The following KCNMA1 variants were observed in gnomAD, a reference collection of about 807,000 sequenced individuals.
The protein encoded by KCNMA1 is potassium calcium-activated channel subfamily M alpha 1.
In KCNMA1, 29 loss-of-function variants were observed where a neutral mutation model predicts 140.0. The ratio of observed to expected loss-of-function variants is 0.21; its 90% CI spans 0.15 to 0.28. KCNMA1 has a LOEUF of 0.28. Among genes scored for constraint, KCNMA1 ranks in the 10% least tolerant of loss-of-function variants. The probability of loss-of-function intolerance (pLI) is 1.00; values close to 1 mark genes in which losing one functional copy is unlikely to be tolerated. For synonymous variants in KCNMA1, 612 were observed against 611.9 expected, an observed-to-expected ratio of 1.00 and a Z score of 0.00; for missense variants, 880 against 1,602.2, an observed-to-expected ratio of 0.55 and a Z score of 7.70.
At chr10:77,376,138 T>C (rs1169951890) in intron 2 of KCNMA1, among the ~76,000 whole-genome samples, 1 of 152,240 alleles carries the variant, frequency 6.6e-6, no homozygotes, top group Non-Finnish European at 1.5e-5. Context: ...CTCTTGCTGC[T>C]GGCATGGCCA....
chr10:77,394,053 G>A (rs929628696), intron 2 of KCNMA1, among the ~76,000 whole-genome samples: 1 of 152,224 alleles, frequency 6.6e-6, no homozygotes, highest in Non-Finnish European at 1.5e-5. Flanking sequence ...GACATAGATG[G>A]ATGGGCAGAC....
At chr10:77,500,396 C>T (rs940216064) in intron 1 of KCNMA1, among the ~76,000 whole-genome samples, 2 of 151,998 alleles carry the variant, frequency 1.3e-5, no homozygotes, top group African/African-American at 4.8e-5. Context: ...ACCTGTAATC[C>T]CACTGCTTTG....
intron 2 of KCNMA1, among the ~76,000 whole-genome samples, chr10:77,277,860 G>A (rs1009415645): frequency 6.6e-6 from 1 of 152,182 alleles, no homozygotes; most frequent in Non-Finnish European, 1.5e-5. Context: ...CTGCAGTTAC[G>A]CCTTTGGACA....
At chr10:77,039,724 A>T (rs1429762684) in intron 14 of KCNMA1, 87 bp from the exon 15 acceptor site, 1 of 796,290 alleles carries the variant, frequency 1.3e-6, no homozygotes, top group Admixed American at 1.9e-5. Context: ...AGGCAAACAA[A>T]TGAATGCACT....
At chr10:77,098,034 A>G (rs2096981558) in intron 9 of KCNMA1, among the ~76,000 whole-genome samples, 1 of 152,244 alleles carries the variant, frequency 6.6e-6, no homozygotes, top group African/African-American at 2.4e-5. Flanking sequence ...TTTGCATCTT[A>G]TCGCATGCAG....
chr10:77,491,775 G>C (rs2040016011), intron 1 of KCNMA1, among the ~76,000 whole-genome samples: 1 of 151,512 alleles, frequency 6.6e-6, no homozygotes, highest in African/African-American at 2.4e-5. Context: ...CCACCAGGGA[G>C]TCTAATTTTA....
intron 1 of KCNMA1, among the ~76,000 whole-genome samples, chr10:77,418,046 C>A (rs1328698918): frequency 6.6e-6 from 1 of 152,228 alleles, no homozygotes; most frequent in Non-Finnish European, 1.5e-5. Flanking sequence ...CCTCTATGTC[C>A]CTGGGTTCCC....
intron 23 of KCNMA1, among the ~76,000 whole-genome samples, chr10:76,942,626 G>A (rs2062831712): frequency 6.6e-6 from 1 of 152,194 alleles, no homozygotes; most frequent in African/African-American, 2.4e-5. Context: ...TAGGATCTAA[G>A]AGGCTGGGAT....
At chr10:77,400,096 C>T (rs2096212564) in intron 2 of KCNMA1, among the ~76,000 whole-genome samples, 1 of 152,226 alleles carries the variant, frequency 6.6e-6, no homozygotes, top group Admixed American at 6.5e-5. Flanking sequence ...CCCATTGTTG[C>T]AGGGATAAAC....
chr10:76,943,666 C>G (rs1036315170), intron 23 of KCNMA1, among the ~76,000 whole-genome samples: 2 of 152,206 alleles, frequency 1.3e-5, no homozygotes, highest in African/African-American at 4.8e-5. Flanking sequence ...CTGACTCTAG[C>G]CCAGAGCCAT....
At chr10:77,356,320 A>G (rs1208761485) in intron 2 of KCNMA1, among the ~76,000 whole-genome samples, 1 of 152,232 alleles carries the variant, frequency 6.6e-6, no homozygotes, top group East Asian at 1.9e-4. Context: ...CAGGAATTTC[A>G]CTAAAATGTG....
intron 19 of KCNMA1, chr10:76,995,818 C>A (rs1243313105): frequency 5.1e-6 from 2 of 392,056 alleles, no homozygotes; most frequent in Non-Finnish European, 1.0e-5. Context: ...CCTTAAAGAG[C>A]CGAGTCATTT....
intron 24 of KCNMA1, chr10:76,912,474 G>C (rs2152405164): frequency 6.6e-6 from 1 of 152,396 alleles, no homozygotes; most frequent in East Asian, 1.9e-4. Flanking sequence ...TGGGGGATGT[G>C]GGAGGTGAAA....
chr10:77,457,872 G>GA (rs1175575290), intron 1 of KCNMA1, among the ~76,000 whole-genome samples: 3 of 152,092 alleles, frequency 2.0e-5, no homozygotes, highest in Middle Eastern at 3.4e-3. Flanking sequence ...TCCATTCCAG[G>GA]AAAAAAAGTT....
intron 3 of KCNMA1, among the ~76,000 whole-genome samples, chr10:77,213,490 T>C (rs2046764415): frequency 6.6e-6 from 1 of 152,172 alleles, no homozygotes; most frequent in Non-Finnish European, 1.5e-5. Flanking sequence ...AAACAGTCAC[T>C]CCTGCATGTC....
chr10:77,035,085 C>A (rs951446390), intron 15 of KCNMA1, among the ~76,000 whole-genome samples: 4 of 152,058 alleles, frequency 2.6e-5, no homozygotes, highest in Admixed American at 2.0e-4. Flanking sequence ...CAGTTTCCCC[C>A]AAAAAAATCA....
chr10:77,464,026 C>T (rs1168177264), intron 1 of KCNMA1, among the ~76,000 whole-genome samples: 1 of 152,142 alleles, frequency 6.6e-6, no homozygotes, highest in African/African-American at 2.4e-5. Context: ...CCACCCTAGA[C>T]CTCCCGAATA....
intron 3 of KCNMA1, among the ~76,000 whole-genome samples, chr10:77,206,599 A>G (rs2044198014): frequency 6.6e-6 from 1 of 151,986 alleles, no homozygotes. Context: ...AGCTCTAACC[A>G]TACTCATCTT....
intron 1 of KCNMA1, among the ~76,000 whole-genome samples, chr10:77,501,953 GTGTCA>G (rs2044071987): frequency 6.6e-6 from 1 of 152,182 alleles, no homozygotes; most frequent in African/African-American, 2.4e-5. Context: ...GGCTGACTGT[GTGTCA>G]TCATGATTAG....
Sources: allele counts gnomAD v4.1 joint callset (sites outside exome capture counted in the v4.1 genomes callset), GRCh38; gene constraint gnomAD v4.1.1; transcripts MANE v1.5; gene names NCBI Gene and HGNC (gene_info 2026-07-23, HGNC 2026-07-21).